Variants in ALDH1L1 observed in about 807,000 individuals in gnomAD.
ALDH1L1 encodes cytosolic 10-formyltetrahydrofolate dehydrogenase.
A neutral mutation model predicts 101.1 loss-of-function variants in ALDH1L1; 68 were observed. That is an observed-to-expected ratio of 0.67 (90% CI 0.55 to 0.82). The LOEUF (loss-of-function observed/expected upper bound fraction) is 0.82, where lower values mean the gene tolerates loss of function less well. Among genes scored for constraint, ALDH1L1 ranks in the 40% least tolerant of loss-of-function variants. The pLI is 0.00. For missense variants in ALDH1L1, 1,087 were observed against 1,172.7 expected (o/e 0.93, Z 1.07); for synonymous variants, 486 against 470.8 (o/e 1.03, Z -0.42).
intron 22 of ALDH1L1, chr3:126,105,175 C>T (rs1045477415): frequency 8.0e-5 from 15 of 187,986 alleles, no homozygotes; most frequent in African/African-American, 3.2e-4. Context: ...GGTGTTCACC[C>T]GGGGGTACAT....
chr3:126,196,258 A>G (rs1352295814), intron 1 of ALDH1L1, among the ~76,000 whole-genome samples: 1 of 152,142 alleles, frequency 6.6e-6, no homozygotes, highest in African/African-American at 2.4e-5. Flanking sequence ...GGAAGGCAAA[A>G]CCGACCTTCA....
chr3:126,117,536 G>A (rs1424098021), intron 17 of ALDH1L1, among the ~76,000 whole-genome samples: 2 of 151,602 alleles, frequency 1.3e-5, no homozygotes, highest in Non-Finnish European at 2.9e-5. Context: ...CATGCCTGTA[G>A]TCCCAGCTAC....
chr3:126,195,857 C>T (rs2081578889), intron 1 of ALDH1L1, among the ~76,000 whole-genome samples: 1 of 152,058 alleles, frequency 6.6e-6, no homozygotes, highest in Non-Finnish European at 1.5e-5. Flanking sequence ...CAAACTATCG[C>T]AAGGACAAAA....
At position 126,136,800 on chromosome 3, in the gene ALDH1L1, G is replaced by C. The variant is rs2080455249; in HGVS notation, c.1308C>G (p.Ala436=). The change falls in exon 11 of 23, where the codon GCC becomes GCG. Residue 436 remains alanine, a synonymous_variant. Transcript: ENST00000393434. ...IGGEFVDAEG[A]KTSETINPTD... ...TGGGATTGATGGTCTCAGAGGTCTT[G>C]GCGCCCTCGGCATCCACGAACTCCC... is the stretch of plus-strand genomic sequence containing the variant. The C allele has an allele frequency of 6.3e-7, 1 of 1,592,296 alleles. No individual in the cohort carries two copies. Among genetic ancestry groups the C allele is most frequent in the Non-Finnish European group, 8.6e-7 (1 of 1,168,940 alleles).
intron 16 of ALDH1L1, among the ~76,000 whole-genome samples, chr3:126,121,609 G>A (rs955957215): frequency 6.6e-6 from 1 of 152,208 alleles, no homozygotes; most frequent in Admixed American, 6.5e-5. Flanking sequence ...CACTATCCTG[G>A]TGAAGATGAT....
Position 126,103,675 on chromosome 3 carries a change from G to A in ALDH1L1, c.*116C>T, listed in dbSNP as rs941787555. On this transcript the variant is annotated 3_prime_UTR_variant, in exon 23 of 23. Transcript: ENST00000393434. ...TCCAAGATGCAGACATGGTGTGCAGGCAGGAGGGCTTCCACTAGCCCCCCA... is the reference window on the plus strand; with the variant it reads ...TCCAAGATGCAGACATGGTGTGCAGACAGGAGGGCTTCCACTAGCCCCCCA... The A allele has an allele frequency of 9.2e-6, 10 of 1,083,236 alleles. No homozygotes were observed. The highest frequency in any genetic ancestry group is 1.4e-5 in the Non-Finnish European group (10 of 733,970). 67.1% of individuals were successfully genotyped at this position (1,083,236 alleles called of 1,614,324 possible).
chr3:126,189,983 T>C (rs750297522), intron 1 of ALDH1L1, among the ~76,000 whole-genome samples: 2 of 152,354 alleles, frequency 1.3e-5, no homozygotes, highest in East Asian at 3.9e-4. Flanking sequence ...GATAGTGTCA[T>C]TGTGTTTGCA....
chr3:126,171,342 G>A (rs1487666741), intron 1 of ALDH1L1, among the ~76,000 whole-genome samples: 1 of 152,046 alleles, frequency 6.6e-6, no homozygotes, highest in Non-Finnish European at 1.5e-5. Flanking sequence ...TGCAGCTGCA[G>A]GAAAAATGTA....
At chr3:126,123,348 C>T (rs1406996891) in intron 16 of ALDH1L1, among the ~76,000 whole-genome samples, 1 of 151,640 alleles carries the variant, frequency 6.6e-6, no homozygotes, top group African/African-American at 2.4e-5. Context: ...AACTCCACCT[C>T]CCAGGTTCAG....
At chr3:126,159,629 G>T (rs763884596) in intron 2 of ALDH1L1, 2 of 426,544 alleles carry the variant, frequency 4.7e-6, no homozygotes, top group African/African-American at 2.0e-5. Context: ...TGCAAAAGCT[G>T]TCCCACAGTG....
intron 8 of ALDH1L1, among the ~76,000 whole-genome samples, chr3:126,148,364 G>A (rs2108274724): frequency 6.6e-6 from 1 of 152,336 alleles, no homozygotes; most frequent in East Asian, 1.9e-4. Flanking sequence ...ATAGGGGGTT[G>A]TGGCCCACTA....
At chr3:126,127,561 T>TGTCCCCAAGAAATGCTTGGC (rs2108226992) in intron 14 of ALDH1L1, among the ~76,000 whole-genome samples, 1 of 152,204 alleles carries the variant, frequency 6.6e-6, no homozygotes, top group Non-Finnish European at 1.5e-5. Context: ...GGTTTCTTGG[T>TGTCCCCAAGAAATGCTTGGC]GTCCCCAAGA....
chr3:126,168,326 G>A (rs1388453879), intron 1 of ALDH1L1, among the ~76,000 whole-genome samples: 3 of 151,774 alleles, frequency 2.0e-5, no homozygotes, highest in Non-Finnish European at 4.4e-5. Flanking sequence ...GGGTTATAAT[G>A]GGCATATAAA....
chr3:126,167,624 CTAAA>C (rs375139321), intron 1 of ALDH1L1, among the ~76,000 whole-genome samples: 11 of 151,920 alleles, frequency 7.2e-5, no homozygotes, highest in African/African-American at 2.7e-4. Flanking sequence ...ATCTGGCATA[CTAAA>C]TAAATAATGT....
At chr3:126,182,751 G>A (rs1400125854), upstream of ALDH1L1, among the ~76,000 whole-genome samples, 1 of 152,140 alleles carries the variant, frequency 6.6e-6, no homozygotes, top group Non-Finnish European at 1.5e-5. Context: ...AATCAGAGAG[G>A]AATCCATACT....
intron 1 of ALDH1L1, among the ~76,000 whole-genome samples, chr3:126,179,262 C>A (rs2081425126): frequency 6.6e-6 from 1 of 152,264 alleles, no homozygotes; most frequent in African/African-American, 2.4e-5. Context: ...ACCCAATTCC[C>A]AGCCCAGGCT....
At chr3:126,195,790 G>T (rs1254942202) in intron 1 of ALDH1L1, among the ~76,000 whole-genome samples, 1 of 152,150 alleles carries the variant, frequency 6.6e-6, no homozygotes, top group Non-Finnish European at 1.5e-5. Flanking sequence ...CCATAAAAAA[G>T]GATGAGTTCA....
At chr3:126,123,762 A>C (rs1294807206) in intron 16 of ALDH1L1, among the ~76,000 whole-genome samples, 2 of 152,058 alleles carry the variant, frequency 1.3e-5, no homozygotes, top group Non-Finnish European at 2.9e-5. Flanking sequence ...ATTTTTTTAG[A>C]GTGGAGGATG....
At chr3:126,178,984 G>T (rs2081420050) in intron 1 of ALDH1L1, among the ~76,000 whole-genome samples, 2 of 152,160 alleles carry the variant, frequency 1.3e-5, no homozygotes, top group African/African-American at 4.8e-5. Flanking sequence ...CTGCAGGGAG[G>T]CAGAGTCCAG....
Sources: allele counts gnomAD v4.1 joint callset (sites outside exome capture counted in the v4.1 genomes callset), GRCh38; gene constraint gnomAD v4.1.1; transcripts MANE v1.5; gene names NCBI Gene and HGNC (gene_info 2026-07-23, HGNC 2026-07-21).